Variants in PITX3 observed in about 807,000 individuals in gnomAD.
The protein encoded by PITX3 is pituitary homeobox 3.
In PITX3, 4 loss-of-function variants were observed where a neutral mutation model predicts 14.2. The ratio of observed to expected loss-of-function variants is 0.28; its 90% CI spans 0.14 to 0.65. The LOEUF (loss-of-function observed/expected upper bound fraction) is 0.65. Among genes scored for constraint, PITX3 ranks in the 30% least tolerant of loss-of-function variants. PITX3 has a pLI of 0.82. For synonymous variants in PITX3, 194 were observed against 204.5 expected (o/e 0.95, Z 0.44); for missense variants, 358 against 426.8 (o/e 0.84, Z 1.42).
chr10:102,238,995 A>G (rs747722263), intron 1 of PITX3, among the ~76,000 whole-genome samples: 5 of 152,008 alleles, frequency 3.3e-5, no homozygotes, highest in Non-Finnish European at 7.4e-5. Flanking sequence ...AGCTTGCATC[A>G]CTCCAGTTCT....
chr10:102,232,224 G>A, intron 1 of PITX3, 132 bp from the exon 2 acceptor site: 1 of 650,512 alleles, frequency 1.5e-6, no homozygotes. Flanking sequence ...GGCTGCGTGG[G>A]GCTCCTTAGG....
chr10:102,230,790 C>G lies in PITX3; in HGVS notation c.633G>C (p.Gly211=). The stretch of plus-strand genomic sequence containing the variant: ...CGCCCAGGCCCTGCAGGGCCCCAGG[C>G]CCTGGCACGGTGCCCGGGGCAGCCG... ...SAAAAPGTVP[G]PGALQGLGGG... The change falls in exon 4 of 4, where the codon GGG becomes GGC. Residue 211 remains glycine, a synonymous_variant. Transcript: ENST00000370002. 1 of 1,547,504 alleles carries G rather than the reference C, an allele frequency of 6.5e-7. No individual in the cohort carries two copies. Among genetic ancestry groups the G allele is most frequent in the African/African-American group, 1.4e-5 (1 of 72,750 alleles).
chr10:102,237,327 A>C (rs1541049), intron 1 of PITX3, among the ~76,000 whole-genome samples: 101,818 of 151,806 alleles, frequency 0.67, 34,752 homozygotes, highest in African/African-American at 0.8. Flanking sequence ...GTTCAAGAGG[A>C]AGAGAAGGGG....
intron 1 of PITX3, among the ~76,000 whole-genome samples, chr10:102,235,247 G>C (rs1294462113): frequency 6.7e-6 from 1 of 148,662 alleles, no homozygotes; most frequent in African/African-American, 2.5e-5. Flanking sequence ...GACTCTGTGT[G>C]GGGGAGGAGC....
chr10:102,238,934 T>C (rs1590408495), intron 1 of PITX3, among the ~76,000 whole-genome samples: 2 of 152,248 alleles, frequency 1.3e-5, no homozygotes, highest in East Asian at 3.8e-4. Context: ...AAATGAGCTC[T>C]GGAAGTATGC....
At chr10:102,237,108 A>C (rs1221462890) in intron 1 of PITX3, among the ~76,000 whole-genome samples, 4 of 152,110 alleles carry the variant, frequency 2.6e-5, no homozygotes, top group Non-Finnish European at 5.9e-5. Context: ...AGCAAGTATT[A>C]GGTGTTAAGA....
At chr10:102,239,083 G>T (rs528725582) in intron 1 of PITX3, among the ~76,000 whole-genome samples, 7 of 152,164 alleles carry the variant, frequency 4.6e-5, no homozygotes, top group Non-Finnish European at 8.8e-5. Context: ...TTATTATGCT[G>T]TAGATTTCCA....
At chr10:102,234,465 C>T (rs964294033) in intron 1 of PITX3, among the ~76,000 whole-genome samples, 2 of 152,184 alleles carry the variant, frequency 1.3e-5, no homozygotes, top group Non-Finnish European at 2.9e-5. Context: ...CTTACTTCCC[C>T]TTCCAGGTCG....
intron 1 of PITX3, among the ~76,000 whole-genome samples, chr10:102,240,155 G>A (rs1365546666): frequency 1.3e-5 from 2 of 152,218 alleles, no homozygotes; most frequent in Admixed American, 1.3e-4. Context: ...GAGTCTGGGG[G>A]GTGTCTGGTT....
intron 1 of PITX3, among the ~76,000 whole-genome samples, chr10:102,239,968 C>T (rs2070489945): frequency 6.6e-6 from 1 of 152,248 alleles, no homozygotes; most frequent in African/African-American, 2.4e-5. Flanking sequence ...TTCCATGAGC[C>T]TCCTTCCCAC....
chr10:102,238,175 CT>C (rs1184085438), intron 1 of PITX3, among the ~76,000 whole-genome samples: 1 of 152,174 alleles, frequency 6.6e-6, no homozygotes, highest in Non-Finnish European at 1.5e-5. Flanking sequence ...CCCCATCATT[CT>C]TTTCATGAGT....
rs760352454 is a variant in PITX3 at position 102,231,022 on chromosome 10, G to A, written c.401C>T (p.Ala134Val). 3.8e-6 allele frequency: 6 copies of A among 1,599,436 alleles called. No homozygotes were observed. The highest frequency in any genetic ancestry group is 4.3e-6 in the Non-Finnish European group (5 of 1,174,640). Residue 134 changes from alanine (A) to valine (V), a missense_variant, in exon 4 of 4, where the codon GCG becomes GTG. Ala to Val is a moderately conservative substitution (Grantham distance 64). Coordinates refer to ENST00000370002, the MANE Select transcript of PITX3 (RefSeq NM_005029.4). ...CGGCACCAGCCCCCCGAGCGGCGCC[G>A]CGAAGCTGCCTTTGCATAGCTCGGC... is the stretch of plus-strand genomic sequence containing the variant. ...QQAELCKGSF[A>V]APLGGLVPPY...
chr10:102,237,888 C>T (rs1541047), intron 1 of PITX3, among the ~76,000 whole-genome samples: 99,499 of 151,082 alleles, frequency 0.66, 33,146 homozygotes, highest in African/African-American at 0.76. Context: ...TCCTCCCCCG[C>T]CCACCCCACT....
rs775386969 is a variant in PITX3 at position 102,232,011 on chromosome 10, G to C, written c.70C>G (p.Pro24Ala). The change falls in exon 2 of 4, where the codon CCG becomes GCG. Residue 24 changes from proline (P) to alanine (A), a missense_variant. By Grantham distance (27) the Pro-to-Ala change is conservative. Around this residue, in one of 3 missense-constraint regions of PITX3, gnomAD observed 72 missense variants for 79.9 expected, o/e 0.90. Coordinates refer to ENST00000370002, the MANE Select transcript of PITX3 (RefSeq NM_005029.4). ...PALSLSDAGT[P>A]HPQLPEHGCK... Reference sequence around the variant, plus strand: ...CCGTGCTCTGGGAGCTGGGGGTGCGGAGTGCCAGCGTCTGACAGCGACAGG... The same window carrying C: ...CCGTGCTCTGGGAGCTGGGGGTGCGCAGTGCCAGCGTCTGACAGCGACAGG... The C allele has an allele frequency of 6.2e-7, 1 of 1,609,900 alleles. No homozygotes were observed. The highest frequency in any genetic ancestry group is 8.5e-7 in the Non-Finnish European group (1 of 1,179,516).
intron 1 of PITX3, 124 bp from the exon 2 acceptor site, chr10:102,232,216 C>A (rs1263804576): frequency 3.0e-6 from 2 of 657,036 alleles, no homozygotes; most frequent in Non-Finnish European, 5.5e-6. Flanking sequence ...AAAGCTGGGG[C>A]TGCGTGGGGC....
intron 1 of PITX3, among the ~76,000 whole-genome samples, chr10:102,234,448 T>C (rs1017181742): frequency 6.6e-6 from 1 of 152,224 alleles, no homozygotes; most frequent in East Asian, 1.9e-4. Flanking sequence ...ACTGGAGGTG[T>C]GCTCAGCTTA....
intron 1 of PITX3, among the ~76,000 whole-genome samples, chr10:102,240,258 C>T (rs1382653815): frequency 1.3e-5 from 2 of 152,220 alleles, no homozygotes; most frequent in East Asian, 1.9e-4. Flanking sequence ...CCTATTCCTT[C>T]CTTTCCTGGT....
rs1251380816 is a variant in PITX3, at chr10:102,231,105, C to A, written c.322-4G>T. 2.0e-6 allele frequency: 3 copies of A among 1,538,220 alleles called. No homozygotes were observed. The highest frequency in any genetic ancestry group is 2.6e-6 in the Non-Finnish European group (3 of 1,148,008). On this transcript the variant is annotated splice_polypyrimidine_tract_variant and splice_region_variant and intron_variant, in intron 3 of 3. Transcript: ENST00000370002. ...CGCGCCGGTTCTTGAACCACACCTGCGGGCACGGGAGAAAGGCGGTCAGGG... is the reference window on the plus strand; with the variant it reads ...CGCGCCGGTTCTTGAACCACACCTGAGGGCACGGGAGAAAGGCGGTCAGGG...
In PITX3 at chr10:102,230,505, C is replaced by A; in HGVS notation, c.*9G>T. On this transcript the variant is annotated 3_prime_UTR_variant, in exon 4 of 4. Coordinates refer to ENST00000370002, the MANE Select transcript of PITX3 (RefSeq NM_005029.4). ...CCCGCCCTCGGGGATGATCTACGGG[C>A]GGGGCCGCTCATACGGGCCTTTCCA... 9 of 1,602,040 alleles carry A rather than the reference C, an allele frequency of 5.6e-6. No homozygotes were observed. The highest frequency in any genetic ancestry group is 2.0e-4 in the Middle Eastern group (1 of 4,890).
Sources: allele counts gnomAD v4.1 joint callset (sites outside exome capture counted in the v4.1 genomes callset), GRCh38; gene constraint gnomAD v4.1.1; regional missense constraint gnomAD v4.1.1; transcripts MANE v1.5; gene names NCBI Gene and HGNC (gene_info 2026-07-23, HGNC 2026-07-21).